FLG: variants seen among roughly 807,000 people sequenced by gnomAD.
FLG encodes the protein filaggrin.
FLG carries 6 observed loss-of-function variants against 3.8 expected under a neutral mutation model. The ratio of observed to expected loss-of-function variants is 1.60; its 90% CI spans 0.87 to 3.15. The LOEUF (loss-of-function observed/expected upper bound fraction) is 3.15. FLG is among the 30% of genes most tolerant of loss of function. FLG has a pLI of 0.00. For synonymous variants in FLG, 2,551 were observed against 1,931.6 expected (o/e 1.32, Z -8.41); for missense variants, 7,595 against 5,050.9 (o/e 1.50, Z -15.27).
At chr1:152,315,217 A>G in intron 2 of FLG, 102 bp downstream of exon 2, 1 of 1,149,716 alleles carries the variant, frequency 8.7e-7, no homozygotes, top group Non-Finnish European at 1.3e-6. Context: ...CTCTTTTCCT[A>G]TTTTAAGAGA....
chr1:152,311,534 T>C lies in FLG; in HGVS notation c.3352A>G (p.Ile1118Val), dbSNP rs151140943. 6 of 1,613,684 alleles carry C rather than the reference T, an allele frequency of 3.7e-6. No individual in the cohort carries two copies. The South Asian group carries it at 6.6e-5, about 18-fold the overall frequency. Residue 1118 changes from isoleucine to valine, a missense_variant, in exon 3 of 3, where the codon ATC (isoleucine) becomes GTC (valine). Ile to Val is a conservative substitution (Grantham distance 29). Coordinates refer to ENST00000368799, the MANE Select transcript of FLG (RefSeq NM_002016.2). ...TGTTCATGAGTGCTCACCTGGTAGA[T>C]GAAAGACCCTGAACGTCCAGACCTT... ...GGRSGRSGSF[I>V]YQVSTHEQSE... is the part of the protein sequence containing the mutation.
chr1:152,314,215 G>C lies in FLG; in HGVS notation c.671C>G (p.Thr224Ser), dbSNP rs1442611863. 6.2e-7 allele frequency: 1 copy of C among 1,613,724 alleles called. No individual in the cohort carries two copies. The highest frequency in any genetic ancestry group is 1.7e-5 in the Admixed American group (1 of 59,982). ...ATGGCCTGATTGTATCCATTTTTGA[G>C]TCATTCTTCCTGTATTTTCATAATC... is the stretch of plus-strand genomic sequence containing the variant. Reference protein sequence around the residue: ...VYDYENTGRMTQKWIQSGHIA... With the variant: ...VYDYENTGRMSQKWIQSGHIA... Residue 224 changes from threonine (T) to serine (S), a missense_variant, in exon 3 of 3, where the codon ACT (threonine) becomes AGT (serine). Thr to Ser is a moderately conservative substitution (Grantham distance 58). Coordinates refer to ENST00000368799, the MANE Select transcript of FLG (RefSeq NM_002016.2).
At position 152,310,654 on chromosome 1, in the gene FLG, G is replaced by T; in HGVS notation, c.4232C>A (p.Ser1411Ter). 2.5e-6 allele frequency: 4 copies of T among 1,614,008 alleles called. No homozygotes were observed. The highest frequency in any genetic ancestry group is 3.4e-6 in the Non-Finnish European group (4 of 1,180,002). Residue 1411 changes from serine to a stop codon, truncating the protein, a stop_gained, in exon 3 of 3, where the codon TCA becomes TAA. Transcript: ENST00000368799. LOFTEE classifies it low-confidence loss of function (END_TRUNC). ...HSEDSDTQSV[S>*]AHGQAGPHQQ... is the part of the protein sequence containing the mutation. ...ATGGGGCCCAGCTTGTCCGTGGGCT[G>T]ACACTGACTGTGTGTCTGAGTCTTC... is the stretch of plus-strand genomic sequence containing the variant.
chr1:152,309,265 G>A lies in FLG; in HGVS notation c.5621C>T (p.Ser1874Leu), dbSNP rs1652217638. 3 of 1,613,764 alleles carry A rather than the reference G, an allele frequency of 1.9e-6. No homozygotes were observed. ...VSRQTRNEKQ[S>L]GDGSRHSGSR... ...CCCTGAGTGCCTGGAGCCGTCTCCT[G>A]ATTGTTTCTCATTACGTGTTTGTCT... Residue 1874 changes from serine (S) to leucine (L), a missense_variant, in exon 3 of 3, where the codon TCA becomes TTA. By Grantham distance (145) the Ser-to-Leu change is moderately radical. Transcript: ENST00000368799.
Position 152,308,374 on chromosome 1 carries a change from G to T in FLG, c.6512C>A (p.Thr2171Asn), listed in dbSNP as rs774970349. 7.4e-6 allele frequency: 12 copies of T among 1,613,572 alleles called. No homozygotes were observed. The highest frequency in any genetic ancestry group is 6.8e-6 in the Non-Finnish European group (8 of 1,179,774). Residue 2171 changes from threonine to asparagine, a missense_variant, in exon 3 of 3, where the codon ACC becomes AAC. Transcript: ENST00000368799. Reference sequence around the variant, plus strand: ...GGCATCAGACCTTCCCTGGGATGTGGTGTGGCTGTGATGAGACCCTGAGTG... The same window carrying T: ...GGCATCAGACCTTCCCTGGGATGTGTTGTGGCTGTGATGAGACCCTGAGTG... The part of the protein sequence containing the change: ...SGHSGSHHSH[T>N]TSQGRSDASR...
chr1:152,303,696 A>G lies in FLG; in HGVS notation c.11190T>C (p.Ser3730=), dbSNP rs749182653. 444 of 1,613,672 alleles carry G rather than the reference A, an allele frequency of 2.8e-4. No homozygotes were observed. The highest frequency in any genetic ancestry group is 3.5e-4 in the Non-Finnish European group (412 of 1,179,922). Residue 3730 remains serine, a synonymous_variant, in exon 3 of 3, where the codon AGT becomes AGC. Coordinates refer to ENST00000368799, the MANE Select transcript of FLG (RefSeq NM_002016.2). ...GGCGGGATCCTTGTCTTCCTCCAGT[A>G]CTGGGCCCAGCCCGTCCATGGGCAG... ...SESAHGRAGP[S]TGGRQGSRHE...
At position 152,313,073 on chromosome 1, in the gene FLG, G is replaced by T. The variant is rs373321799; in HGVS notation, c.1813C>A (p.Gln605Lys). ...GTCCTGGGCCCCGATGATTGTCCCT[G>T]GCCCACCTGTGAGTGTCTAGAGCTG... ...ADSSRHSQVG[Q>K]GQSSGPRTSR... The change falls in exon 3 of 3, where the codon CAG becomes AAG. Residue 605 changes from glutamine (Q) to lysine (K), a missense_variant. Gln to Lys is a moderately conservative substitution (Grantham distance 53). Transcript: ENST00000368799. The T allele has an allele frequency of 1.9e-5, 30 of 1,613,790 alleles. No homozygotes were observed. Among genetic ancestry groups the T allele is most frequent in the African/African-American group, 2.7e-5 (2 of 74,788 alleles).
chr1:152,304,251 A>T lies in FLG; in HGVS notation c.10635T>A (p.Ser3545Arg), dbSNP rs755340342. The change falls in exon 3 of 3, where the codon AGT becomes AGA. Residue 3545 changes from serine (S) to arginine (R), a missense_variant. Coordinates refer to ENST00000368799, the MANE Select transcript of FLG (RefSeq NM_002016.2). ...QGSSVSQDSD[S>R]QGHSEDSERW... The stretch of plus-strand genomic sequence containing the variant: ...TCTCAGAGTCTTCTGAGTGTCCCTG[A>T]CTGTCACTGTCCTGGCTAACACTGG... The T allele has an allele frequency of 1.2e-6, 2 of 1,612,958 alleles. No homozygotes were observed. The highest frequency in any genetic ancestry group is 8.5e-7 in the Non-Finnish European group (1 of 1,179,640).
Position 152,304,362 on chromosome 1 carries a change from T to C in FLG, c.10524A>G (p.Glu3508=), listed in dbSNP as rs567642253. The C allele has an allele frequency of 4.3e-6, 7 of 1,611,792 alleles. No individual in the cohort carries two copies. In the East Asian group the frequency reaches 1.6e-4, roughly 36 times the overall value. Residue 3508 remains glutamate (E), a synonymous_variant, in exon 3 of 3, where the codon GAA becomes GAG. Coordinates refer to ENST00000368799, the MANE Select transcript of FLG (RefSeq NM_002016.2). ...TAGAGCTGTCCGCCTGAGTGGAAGCTTCATGGTGATGCGACCATGAGTGCC... is the reference window on the plus strand; with the variant it reads ...TAGAGCTGTCCGCCTGAGTGGAAGCCTCATGGTGATGCGACCATGAGTGCC... ...GSRHSWSHHH[E]ASTQADSSRH...
chr1:152,310,760 T>A lies in FLG; in HGVS notation c.4126A>T (p.Arg1376Ter), dbSNP rs11581433. The change falls in exon 3 of 3, where the codon AGA becomes TGA. Residue 1376 changes from arginine (R) to a stop codon, truncating the protein, a stop_gained. Transcript: ENST00000368799. LOFTEE classifies it low-confidence loss of function (END_TRUNC). Reference protein sequence around the residue: ...DSSRHSGIGHRQASSAVRDSG... With the variant: ...DSSRHSGIGH ...TCTCTGACTGCAGATGAAGCTTGTCTGTGCCCAATGCCTGAGTGTCTGGAG... is the reference window on the plus strand; with the variant it reads ...TCTCTGACTGCAGATGAAGCTTGTCAGTGCCCAATGCCTGAGTGTCTGGAG... 6.2e-6 allele frequency: 10 copies of A among 1,613,676 alleles called. No individual in the cohort carries two copies. Among genetic ancestry groups the A allele is most frequent in the African/African-American group, 2.7e-5 (2 of 74,832 alleles).
Position 152,311,602 on chromosome 1 carries a change from T to G in FLG, c.3284A>C (p.His1095Pro). The change falls in exon 3 of 3, where the codon CAT becomes CCT. Residue 1095 changes from histidine (H) to proline (P), a missense_variant. Transcript: ENST00000368799. ...TGCGGACTCTTGGTGGCTCTGCTGATGGGGCCCATCCTGTCCATGGCCTGA... is the reference window on the plus strand; with the variant it reads ...TGCGGACTCTTGGTGGCTCTGCTGAGGGGGCCCATCCTGTCCATGGCCTGA... The part of the protein sequence containing the change: ...SVSGHGQDGP[H>P]QQSHQESARD... 1 of 1,614,080 alleles carries G rather than the reference T, an allele frequency of 6.2e-7. No individual in the cohort carries two copies. The highest frequency in any genetic ancestry group is 8.5e-7 in the Non-Finnish European group (1 of 1,180,022).
Position 152,313,972 on chromosome 1 carries a change from C to T in FLG, c.914G>A (p.Gly305Glu), listed in dbSNP as rs780339198. 2.5e-6 allele frequency: 4 copies of T among 1,614,068 alleles called. No individual in the cohort carries two copies. The African/African-American group carries it at 4.0e-5, about 16-fold the overall frequency. ...SRVSQDRDSE[G>E]HSEDSERHSG... ...GTGCCTCTCAGAGTCTTCTGAGTGT[C>T]CCTCACTGTCCCTGTCCTGGCTAAC... is the stretch of plus-strand genomic sequence containing the variant. The change falls in exon 3 of 3, where the codon GGA becomes GAA. Residue 305 changes from glycine to glutamate, a missense_variant. By Grantham distance (98) the Gly-to-Glu change is moderately conservative. Coordinates refer to ENST00000368799, the MANE Select transcript of FLG (RefSeq NM_002016.2).
rs752322228 is a variant in FLG, at chr1:152,311,389, C to T, written c.3497G>A (p.Arg1166His). Residue 1166 changes from arginine (R) to histidine (H), a missense_variant, in exon 3 of 3, where the codon CGT (arginine) becomes CAT (histidine). Arg to His is a conservative substitution (Grantham distance 29). Coordinates refer to ENST00000368799, the MANE Select transcript of FLG (RefSeq NM_002016.2). ...SASQEGQDTI[R>H]AHPGSRRGGR... is the part of the protein sequence containing the mutation. ...TCCTCTCCTTGACCCCGGGTGTGCA[C>T]GAATGGTGTCCTGACCCTCTTGGGA... 1.8e-5 allele frequency: 29 copies of T among 1,613,658 alleles called. No individual in the cohort carries two copies. The highest frequency in any genetic ancestry group is 1.6e-4 in the Middle Eastern group (1 of 6,080).
chr1:152,313,677 C>T lies in FLG; in HGVS notation c.1209G>A (p.Gly403=), dbSNP rs1570914570. 2.1e-5 allele frequency: 34 copies of T among 1,613,920 alleles called. No homozygotes were observed. The East Asian group carries it at 6.7e-4, about 32-fold the overall frequency. ...DSSRHSATGR[G]QASSAVSDRG... ...GATCGCTGACTGCAGATGAAGCTTG[C>T]CCGCGCCCAGTGGCTGAGTGTCTGG... Residue 403 remains glycine (G), a synonymous_variant, in exon 3 of 3, where the codon GGG becomes GGA. Coordinates refer to ENST00000368799, the MANE Select transcript of FLG (RefSeq NM_002016.2).
chr1:152,311,272 T>C lies in FLG; in HGVS notation c.3614A>G (p.Asp1205Gly). ...HSHTTSQGRS[D>G]ASHGQSGSRS... Reference sequence around the variant, plus strand: ...GGATCCTGACTGCCCATGGGAGGCATCAGACCTTCCCTGGGATGTGGTGTG... The same window carrying C: ...GGATCCTGACTGCCCATGGGAGGCACCAGACCTTCCCTGGGATGTGGTGTG... The change falls in exon 3 of 3, where the codon GAT (aspartate) becomes GGT (glycine). Residue 1205 changes from aspartate (D) to glycine (G), a missense_variant. Coordinates refer to ENST00000368799, the MANE Select transcript of FLG (RefSeq NM_002016.2). The C allele has an allele frequency of 6.2e-7, 1 of 1,613,814 alleles. No homozygotes were observed. Among genetic ancestry groups the C allele is most frequent in the South Asian group, 1.1e-5 (1 of 91,052 alleles).
At position 152,307,485 on chromosome 1, in the gene FLG, C is replaced by A. The variant is rs1351808943; in HGVS notation, c.7401G>T (p.Gly2467=). The A allele has an allele frequency of 3.1e-6, 5 of 1,613,422 alleles. No individual in the cohort carries two copies. Among genetic ancestry groups the A allele is most frequent in the South Asian group, 2.2e-5 (2 of 91,020 alleles). Residue 2467 remains glycine (G), a synonymous_variant, in exon 3 of 3, where the codon GGG becomes GGT. Transcript: ENST00000368799. The part of the protein sequence containing the change: ...EGQDTIHGHP[G]SSSGGRQGSH... Reference sequence around the variant, plus strand: ...ATCCCTGCCTTCCTCCACTGCTTGACCCCGGGTGTCCATGAATGGTGTCCT... The same window carrying A: ...ATCCCTGCCTTCCTCCACTGCTTGAACCCGGGTGTCCATGAATGGTGTCCT...
In FLG at chr1:152,302,650, A is replaced by G. The variant is rs568369942; in HGVS notation, c.*50T>C. 1.6e-5 allele frequency: 25 copies of G among 1,604,956 alleles called. No homozygotes were observed. The South Asian group carries it at 2.7e-4, about 17-fold the overall frequency. On this transcript the variant is annotated 3_prime_UTR_variant, in exon 3 of 3. Coordinates refer to ENST00000368799, the MANE Select transcript of FLG (RefSeq NM_002016.2). ...TTATGAAGTTTCTTGATTGAAAGTGAACTTGCTTCATTCTTCTATTCTTGG... is the reference window on the plus strand; with the variant it reads ...TTATGAAGTTTCTTGATTGAAAGTGGACTTGCTTCATTCTTCTATTCTTGG...
chr1:152,312,650 G>T lies in FLG; in HGVS notation c.2236C>A (p.Gln746Lys), dbSNP rs192455877. The part of the protein sequence containing the change: ...DSGHRGSSGS[Q>K]ATDSEGHSED... ...GAATGTCCCTCACTGTCAGTGGCCT[G>T]ACTACCACTGGACCCTCGGTGTCCA... Residue 746 changes from glutamine to lysine, a missense_variant, in exon 3 of 3, where the codon CAG (glutamine) becomes AAG (lysine). Coordinates refer to ENST00000368799, the MANE Select transcript of FLG (RefSeq NM_002016.2). 3 of 1,613,902 alleles carry T rather than the reference G, an allele frequency of 1.9e-6. No homozygotes were observed. The East Asian group carries it at 6.7e-5, about 36-fold the overall frequency.
At chr1:152,323,173 C>T (rs1653033581) in intron 1 of FLG, among the ~76,000 whole-genome samples, 1 of 151,472 alleles carries the variant, frequency 6.6e-6, no homozygotes, top group East Asian at 1.9e-4. Flanking sequence ...AAATAGTTTC[C>T]AGGTTGATTT....
Sources: gnomAD v4.1 joint callset for allele counts (sites outside exome capture counted in the v4.1 genomes callset) on GRCh38, gnomAD v4.1.1 for gene constraint, MANE v1.5 for transcripts, NCBI Gene and HGNC (gene_info 2026-07-23, HGNC 2026-07-21) for gene names.